The following FOXP1 variants were observed in gnomAD, a reference collection of about 807,000 sequenced individuals.
FOXP1 encodes the protein forkhead box protein P1.
A neutral mutation model predicts 98.2 loss-of-function variants in FOXP1; 15 were observed. The observed-to-expected ratio is 0.15, with a 90% CI of 0.10 to 0.24. FOXP1 has a LOEUF of 0.24. Ranked by LOEUF, FOXP1 falls within the 10% of genes least tolerant of loss-of-function variation. The probability of loss-of-function intolerance (pLI) is 1.00; values close to 1 mark genes in which losing one functional copy is unlikely to be tolerated. For synonymous variants in FOXP1, 371 were observed against 314.5 expected (o/e 1.18, Z -1.90); for missense variants, 633 against 848.5 (o/e 0.75, Z 3.15).
intron 6 of FOXP1, among the ~76,000 whole-genome samples, chr3:71,120,015 C>T (rs2058646272): frequency 6.6e-6 from 1 of 152,120 alleles, no homozygotes; most frequent in South Asian, 2.1e-4. Flanking sequence ...AAGAAAGATT[C>T]CAATACTAAT....
chr3:71,072,903 A>T (rs2053415242), intron 7 of FOXP1, among the ~76,000 whole-genome samples: 1 of 152,274 alleles, frequency 6.6e-6, no homozygotes, highest in South Asian at 2.1e-4. Flanking sequence ...TGGAAGAAAG[A>T]GTAATCTCAC....
rs767777489 is a variant in FOXP1 at position 70,977,845 on chromosome 3, T to C, written c.1331A>G (p.Asn444Ser). The change falls in exon 15 of 21, where the codon AAC becomes AGC. Residue 444 changes from asparagine to serine, a missense_variant. Physicochemically the swap from Asn to Ser is conservative, Grantham distance 46 (BLOSUM62 1). Around this residue, in one of 6 missense-constraint regions of FOXP1, gnomAD observed 141 missense variants for 199.5 expected, o/e 0.71. Transcript: ENST00000649528. The part of the protein sequence containing the change: ...PIRRRYSDKY[N>S]VPISSADIAQ... ...GTATCTACCTGACGAAATGGGCACGTTGTATTTGTCTGAGTACCGCCTGCG... is the reference window on the plus strand; with the variant it reads ...GTATCTACCTGACGAAATGGGCACGCTGTATTTGTCTGAGTACCGCCTGCG... 6.2e-6 allele frequency: 10 copies of C among 1,614,102 alleles called. No individual in the cohort carries two copies. The highest frequency in any genetic ancestry group is 8.5e-6 in the Non-Finnish European group (10 of 1,179,988).
intron 3 of FOXP1, among the ~76,000 whole-genome samples, chr3:71,432,254 A>C (rs2108391857): frequency 6.6e-6 from 1 of 152,198 alleles, no homozygotes; most frequent in East Asian, 1.9e-4. Context: ...CGTGGCCGGG[A>C]ACGGCAGCCC....
chr3:71,443,285 A>C (rs949226183), intron 3 of FOXP1, among the ~76,000 whole-genome samples: 1 of 152,236 alleles, frequency 6.6e-6, no homozygotes, highest in Non-Finnish European at 1.5e-5. Flanking sequence ...TGTCATGATA[A>C]AATCAGAGTA....
chr3:70,988,228 G>A, intron 13 of FOXP1, 151 bp from the exon 14 acceptor site: 3 of 776,468 alleles, frequency 3.9e-6, no homozygotes, highest in Non-Finnish European at 6.6e-6. Flanking sequence ...CATGACCATT[G>A]CCAAACTCGA....
Position 71,513,296 on chromosome 3 carries a change from A to C in FOXP1, c.-297-19741T>G, listed in dbSNP as rs184982261. Among the ~76,000 whole-genome samples the C allele has an allele frequency of 2.6e-5, 4 of 152,270 alleles. No homozygotes were observed. In the East Asian group the frequency reaches 7.7e-4, roughly 29 times the overall value. On this transcript the variant is annotated intron_variant, in intron 2 of 20. Transcript: ENST00000649528. ...TTCCCAATCATAGTCCACGGCAACT[A>C]TATCCTTCTCATCACACTCAGGCCA...
chr3:71,245,104 T>C (rs1420620970), intron 5 of FOXP1: 1 of 152,184 alleles, frequency 6.6e-6, no homozygotes, highest in East Asian at 1.9e-4. Flanking sequence ...CCGTAGGATT[T>C]ATTTGACACT....
At chr3:71,565,874 T>C (rs2046873955) in intron 2 of FOXP1, among the ~76,000 whole-genome samples, 1 of 152,162 alleles carries the variant, frequency 6.6e-6, no homozygotes, top group South Asian at 2.1e-4. Context: ...CACAGAGCAA[T>C]ACTTTCTGCC....
chr3:71,299,042 C>T (rs1466097674), intron 5 of FOXP1, among the ~76,000 whole-genome samples: 6 of 152,250 alleles, frequency 3.9e-5, no homozygotes, highest in Admixed American at 6.5e-5. Context: ...GATGTTAAAA[C>T]GACCGGCAGG....
chr3:70,967,704 T>TTG (rs1412088271), intron 19 of FOXP1, among the ~76,000 whole-genome samples: 1,581 of 101,488 alleles, frequency 0.016, 73 homozygotes, highest in African/African-American at 0.061. Context: ...TTTTTTGTTT[T>TTG]TTTTTGTTTT....
At chr3:71,281,588 G>A (rs900800090) in intron 5 of FOXP1, among the ~76,000 whole-genome samples, 4 of 152,230 alleles carry the variant, frequency 2.6e-5, no homozygotes, top group African/African-American at 9.6e-5. Context: ...TCTCAGGCCT[G>A]TCAAGAGCCT....
At chr3:71,372,840 T>G (rs1176515524) in intron 3 of FOXP1, among the ~76,000 whole-genome samples, 1 of 152,198 alleles carries the variant, frequency 6.6e-6, no homozygotes, top group African/African-American at 2.4e-5. Context: ...GGCTTGGAAT[T>G]CAGGCATCAG....
At chr3:71,356,277 A>C (rs913724215) in intron 4 of FOXP1, among the ~76,000 whole-genome samples, 1 of 152,054 alleles carries the variant, frequency 6.6e-6, no homozygotes, top group African/African-American at 2.4e-5. Context: ...GAAATCCTCA[A>C]AACAGGATCC....
chr3:71,320,912 G>C (rs576525336), intron 4 of FOXP1, among the ~76,000 whole-genome samples: 2 of 152,186 alleles, frequency 1.3e-5, no homozygotes, highest in East Asian at 3.9e-4. Flanking sequence ...ATATTTATGT[G>C]AATGACTGAG....
chr3:71,311,797 CT>C (rs967711446), intron 4 of FOXP1, among the ~76,000 whole-genome samples: 2 of 152,196 alleles, frequency 1.3e-5, no homozygotes, highest in African/African-American at 4.8e-5. Flanking sequence ...AGAAACTTAC[CT>C]TTTGGCCACC....
chr3:71,198,698 T>C (rs139113330), intron 5 of FOXP1, among the ~76,000 whole-genome samples: 449 of 152,144 alleles, frequency 3.0e-3, no homozygotes, highest in Non-Finnish European at 5.5e-3. Flanking sequence ...TTTTCTTTTT[T>C]CTTTTTTTTT....
intron 4 of FOXP1, among the ~76,000 whole-genome samples, chr3:71,312,878 G>A (rs1007654579): frequency 3.3e-5 from 5 of 151,934 alleles, no homozygotes; most frequent in African/African-American, 9.7e-5. Context: ...GTAGTCCCAG[G>A]TACTCAGGAG....
chr3:71,237,727 G>A (rs560439231), intron 5 of FOXP1, among the ~76,000 whole-genome samples: 14 of 152,318 alleles, frequency 9.2e-5, no homozygotes, highest in Middle Eastern at 3.4e-3. Context: ...GAATCCATAC[G>A]TGTACATGGG....
intron 10 of FOXP1, 62 bp downstream of exon 10, chr3:71,046,880 C>T (rs1467349528): frequency 1.3e-6 from 2 of 1,576,204 alleles, no homozygotes; most frequent in Non-Finnish European, 1.7e-6. Context: ...TACCAAGAGA[C>T]AACCCACCAC....
Sources: gnomAD v4.1 joint callset for allele counts (sites outside exome capture counted in the v4.1 genomes callset) on GRCh38, gnomAD v4.1.1 for gene constraint, gnomAD v4.1.1 regional missense constraint, MANE v1.5 for transcripts, NCBI Gene and HGNC (gene_info 2026-07-23, HGNC 2026-07-21) for gene names.